HIVEP3: variants seen among roughly 807,000 people sequenced by gnomAD.
HIVEP3 encodes HIVEP zinc finger 3, also known as transcription factor HIVEP3.
HIVEP3 carries 49 observed loss-of-function variants against 152.8 expected under a neutral mutation model. That is an observed-to-expected ratio of 0.32 (90% confidence interval 0.26 to 0.41). The LOEUF is 0.41. Among genes scored for constraint, HIVEP3 ranks in the 10% least tolerant of loss-of-function variants. HIVEP3 has a pLI of 1.00. For synonymous variants in HIVEP3, 1,269 were observed against 1,289.0 expected (o/e 0.98, Z 0.33); for missense variants, 2,790 against 3,103.3 (o/e 0.90, Z 2.40).
intron 1 of HIVEP3, among the ~76,000 whole-genome samples, chr1:41,844,603 A>G (rs1271506278): frequency 1.3e-5 from 2 of 152,186 alleles, no homozygotes; most frequent in East Asian, 3.8e-4. Context: ...TGGGGAAACT[A>G]CAAACCATAG....
intron 1 of HIVEP3, among the ~76,000 whole-genome samples, chr1:41,962,345 G>T (rs112173675): frequency 4.1e-4 from 63 of 152,232 alleles, no homozygotes; most frequent in Admixed American, 3.9e-4. Context: ...TGGAACCAGT[G>T]GTTTGAAAAT....
intron 1 of HIVEP3, among the ~76,000 whole-genome samples, chr1:41,850,462 C>A (rs145216841): frequency 0.016 from 2,496 of 152,246 alleles, 39 homozygotes; most frequent in Non-Finnish European, 0.021. Flanking sequence ...GTAACTTGCA[C>A]ACAGAAACAA....
At chr1:41,863,178 T>C (rs7525752) in intron 1 of HIVEP3, among the ~76,000 whole-genome samples, 1,602 of 152,304 alleles carry the variant, frequency 0.011, 21 homozygotes, top group African/African-American at 0.036. Context: ...AGCAACTGCC[T>C]CCTGGGAAGT....
intron 1 of HIVEP3, among the ~76,000 whole-genome samples, chr1:41,950,007 G>T (rs1452375210): frequency 2.0e-5 from 3 of 152,098 alleles, no homozygotes; most frequent in African/African-American, 7.2e-5. Context: ...GGACTACCTG[G>T]ATTTCCTAGG....
intron 5 of HIVEP3, among the ~76,000 whole-genome samples, chr1:41,552,523 C>A (rs1375979290): frequency 1.4e-5 from 2 of 146,902 alleles, no homozygotes; most frequent in African/African-American, 5.1e-5. Context: ...CAATTTCATC[C>A]ATGTCCCTAC....
intron 1 of HIVEP3, among the ~76,000 whole-genome samples, chr1:41,765,775 T>C (rs1647970630): frequency 6.6e-6 from 1 of 152,096 alleles, no homozygotes; most frequent in African/African-American, 2.4e-5. Context: ...CCTCCATCTT[T>C]CCTATCCCAT....
At chr1:41,685,960 A>C (rs1646108198) in intron 2 of HIVEP3, among the ~76,000 whole-genome samples, 1 of 152,236 alleles carries the variant, frequency 6.6e-6, no homozygotes, top group Admixed American at 6.5e-5. Flanking sequence ...TCTGACCAGC[A>C]AATGGACTGG....
Position 41,580,081 on chromosome 1 carries a change from G to C in HIVEP3, c.4717C>G (p.Leu1573Val). Residue 1573 changes from leucine (L) to valine (V), a missense_variant, in exon 4 of 9, where the codon CTG (leucine) becomes GTG (valine). By Grantham distance (32) the Leu-to-Val change is conservative. Transcript: ENST00000372583. ...GCTGGTCTGGAGGACGTTTCTGACA[G>C]AGGCAGAGAGCTCGGAGGTGCCAAG... ...PSLAPPSSLP[L>V]SETSSRPAKS... 6.2e-7 allele frequency: 1 copy of C among 1,614,244 alleles called. No individual in the cohort carries two copies. The highest frequency in any genetic ancestry group is 8.5e-7 in the Non-Finnish European group (1 of 1,180,044).
At position 41,575,588 on chromosome 1, in the gene HIVEP3, G is replaced by C. The variant is rs779216855; in HGVS notation, c.5163C>G (p.Ala1721=). 6.8e-6 allele frequency: 11 copies of C among 1,614,094 alleles called. No individual in the cohort carries two copies. Among genetic ancestry groups the C allele is most frequent in the Admixed American group, 1.7e-5 (1 of 60,018 alleles). Residue 1721 remains alanine (A), a synonymous_variant, in exon 5 of 9, where the codon GCC becomes GCG. Transcript: ENST00000372583. ...TCCTCGCCGGCTCCCCTCTCTGGGA[G>C]GCAGGAGCATCCTCCTCCGGCTCCC... ...RRGEPEEDAP[A]SQRGEPARIK...
At chr1:41,734,684 T>C (rs1570424071) in intron 1 of HIVEP3, among the ~76,000 whole-genome samples, 1 of 151,922 alleles carries the variant, frequency 6.6e-6, no homozygotes, top group Non-Finnish European at 1.5e-5. Context: ...GCTGGGCAGG[T>C]GGGTTGGGCA....
intron 5 of HIVEP3, among the ~76,000 whole-genome samples, chr1:41,573,168 AG>A (rs773154493): frequency 3.3e-5 from 5 of 152,238 alleles, no homozygotes; most frequent in Non-Finnish European, 5.9e-5. Flanking sequence ...AAAAAAAGGA[AG>A]AACTGAGTCT....
At chr1:41,518,299 C>A (rs2149049244) in intron 7 of HIVEP3, 103 bp downstream of exon 7, 1 of 958,040 alleles carries the variant, frequency 1.0e-6, no homozygotes, top group Non-Finnish European at 1.7e-6. Flanking sequence ...GGGAATGGGG[C>A]AAAGCAGACA....
At chr1:41,841,565 G>A (rs1643289361) in intron 1 of HIVEP3, among the ~76,000 whole-genome samples, 1 of 152,156 alleles carries the variant, frequency 6.6e-6, no homozygotes, top group African/African-American at 2.4e-5. Flanking sequence ...CTTTAAAATG[G>A]GGGAGAGGGG....
intron 1 of HIVEP3, among the ~76,000 whole-genome samples, chr1:41,864,027 A>C (rs1016156356): frequency 3.3e-5 from 5 of 152,182 alleles, no homozygotes; most frequent in African/African-American, 1.2e-4. Flanking sequence ...AGAGAGGTGA[A>C]GATTCCATCC....
intron 1 of HIVEP3, among the ~76,000 whole-genome samples, chr1:41,959,622 T>C (rs907216190): frequency 2.0e-5 from 3 of 152,172 alleles, no homozygotes; most frequent in Admixed American, 6.5e-5. Context: ...GGAAGTAGCA[T>C]ATACTTTAAA....
chr1:41,655,508 A>G (rs1394489648), intron 2 of HIVEP3, among the ~76,000 whole-genome samples: 1 of 144,132 alleles, frequency 6.9e-6, no homozygotes, highest in East Asian at 2.1e-4. Flanking sequence ...GCTTGAACCC[A>G]GGAGGCGAAG....
At chr1:41,891,447 G>C (rs1424161916) in intron 1 of HIVEP3, among the ~76,000 whole-genome samples, 2 of 152,162 alleles carry the variant, frequency 1.3e-5, no homozygotes, top group African/African-American at 4.8e-5. Flanking sequence ...GGTGTCACGG[G>C]GCAGAAGGGC....
rs977710112 is a variant in HIVEP3, at chr1:41,946,491, A to G, written n.120-27967T>C. 3.9e-5 allele frequency among the ~76,000 whole-genome samples: 6 copies of G among 152,180 alleles called. 1 individual carries two copies. The highest frequency in any genetic ancestry group is 1.4e-4 in the African/African-American group (6 of 41,444). On this transcript the variant is annotated intron_variant and non_coding_transcript_variant, in intron 1 of 3. Coordinates refer to the HIVEP3 transcript ENST00000489103. The stretch of plus-strand genomic sequence containing the variant: ...GGGGGTCCTAGGACAGCCAGTCACT[A>G]CATACTTCTCTCAGCCACTAAGTTG...
intron 1 of HIVEP3, among the ~76,000 whole-genome samples, chr1:41,894,939 C>A (rs1186971573): frequency 3.9e-5 from 6 of 152,154 alleles, no homozygotes; most frequent in Admixed American, 3.9e-4. Context: ...CCCTTCCTGG[C>A]CACTTTGCAG....
Sources: gnomAD v4.1 joint callset for allele counts (sites outside exome capture counted in the v4.1 genomes callset) on GRCh38, gnomAD v4.1.1 for gene constraint, MANE v1.5 for transcripts, NCBI Gene and HGNC (gene_info 2026-07-23, HGNC 2026-07-21) for gene names.